PKHD1: variants seen among roughly 807,000 people sequenced by gnomAD.
The protein encoded by PKHD1 is fibrocystin.
In PKHD1, 291 loss-of-function variants were observed where a neutral mutation model predicts 412.0. That is an observed-to-expected ratio of 0.71 (90% confidence interval 0.64 to 0.78). The LOEUF (loss-of-function observed/expected upper bound fraction) is 0.78, where lower values mean the gene tolerates loss of function less well. PKHD1 is among the 30% of genes least tolerant of loss of function. The pLI, the probability that PKHD1 is intolerant of heterozygous loss-of-function variation, is 0.00. For missense variants in PKHD1, 4,825 were observed against 4,950.7 expected (o/e 0.97, Z 0.76); for synonymous variants, 1,777 against 1,821.5 (o/e 0.98, Z 0.62).
chr6:51,895,690 C>T (rs963187184), intron 43 of PKHD1, among the ~76,000 whole-genome samples: 2 of 152,112 alleles, frequency 1.3e-5, no homozygotes, highest in African/African-American at 4.8e-5. Flanking sequence ...GGAACAGCTC[C>T]GGTCTACAGC....
At chr6:52,032,511 A>C (rs761945577) in intron 29 of PKHD1, among the ~76,000 whole-genome samples, 2 of 152,224 alleles carry the variant, frequency 1.3e-5, no homozygotes, top group Non-Finnish European at 2.9e-5. Context: ...TTCTCTAATC[A>C]TATTAAATAA....
chr6:51,651,339 A>G (rs1770932065), intron 61 of PKHD1, among the ~76,000 whole-genome samples: 1 of 152,164 alleles, frequency 6.6e-6, no homozygotes, highest in Admixed American at 6.5e-5. Context: ...ATGTTATAAT[A>G]GTGCAATAAA....
intron 55 of PKHD1, among the ~76,000 whole-genome samples, chr6:51,761,947 A>T (rs9382010): frequency 0.32 from 48,518 of 151,826 alleles, 9,624 homozygotes; most frequent in East Asian, 0.7. Flanking sequence ...TCAAAAATTT[A>T]AGAGTGATCT....
chr6:51,787,826 G>T (rs1793130419), intron 53 of PKHD1, among the ~76,000 whole-genome samples: 1 of 152,130 alleles, frequency 6.6e-6, no homozygotes, highest in Non-Finnish European at 1.5e-5. Context: ...AGTAATGAGT[G>T]ACCTTAGAAA....
At chr6:51,651,418 A>G (rs1218393987) in intron 61 of PKHD1, among the ~76,000 whole-genome samples, 1 of 152,174 alleles carries the variant, frequency 6.6e-6, no homozygotes, top group African/African-American at 2.4e-5. Flanking sequence ...GGTCCTGTTA[A>G]TGATGCCATC....
intron 48 of PKHD1, among the ~76,000 whole-genome samples, chr6:51,859,760 AT>A (rs1456725185): frequency 6.6e-6 from 1 of 152,074 alleles, no homozygotes; most frequent in Non-Finnish European, 1.5e-5. Context: ...TGAAGGAAGC[AT>A]TTTTCAGATA....
chr6:51,949,663 C>A (rs1462516534), intron 36 of PKHD1, among the ~76,000 whole-genome samples: 1 of 152,092 alleles, frequency 6.6e-6, no homozygotes, highest in Non-Finnish European at 1.5e-5. Context: ...CAAACGAGAG[C>A]CCCCAAGAGC....
chr6:51,778,843 G>A (rs2182508), intron 53 of PKHD1, among the ~76,000 whole-genome samples: 89,109 of 151,902 alleles, frequency 0.59, 26,897 homozygotes, highest in East Asian at 0.83. Flanking sequence ...AAGCCAACCC[G>A]TAAGAAATTA....
At chr6:51,997,230 ACT>A (rs1238985794) in intron 35 of PKHD1, among the ~76,000 whole-genome samples, 1 of 152,200 alleles carries the variant, frequency 6.6e-6, no homozygotes, top group African/African-American at 2.4e-5. Context: ...TGAATCTGAC[ACT>A]CTGCAAGGCA....
At position 52,035,823 on chromosome 6, in the gene PKHD1, CCTTAGTCA is replaced by C. The variant is rs1163523685; in HGVS notation, c.3098-110_3098-103del. 1.7e-4 allele frequency: 201 copies of C among 1,208,828 alleles called. 1 individual carries two copies. The East Asian group carries it at 4.4e-3, about 27-fold the overall frequency. 74.9% of individuals were successfully genotyped at this position (1,208,828 alleles called of 1,614,324 possible). On this transcript the variant is annotated intron_variant, in intron 27 of 66. Transcript: ENST00000371117. ...TAAAATGAAATTAAAATATGAAACT[CCTTAGTCA>C]AAACAAAGGCAATGCTCAAACTGCA...
At chr6:52,018,543 C>T (rs993753194) in intron 33 of PKHD1, among the ~76,000 whole-genome samples, 1 of 152,032 alleles carries the variant, frequency 6.6e-6, no homozygotes, top group Non-Finnish European at 1.5e-5. Context: ...TTTTTTGAGA[C>T]AGAGTTTCGC....
chr6:51,763,066 G>A (rs576779056), intron 55 of PKHD1, among the ~76,000 whole-genome samples: 1 of 152,058 alleles, frequency 6.6e-6, no homozygotes, highest in South Asian at 2.1e-4. Context: ...TTCTCCTCAG[G>A]ACTGATACTA....
intron 43 of PKHD1, among the ~76,000 whole-genome samples, chr6:51,900,122 C>T (rs1191856320): frequency 6.6e-6 from 1 of 152,170 alleles, no homozygotes; most frequent in Non-Finnish European, 1.5e-5. Flanking sequence ...AGTGCCATCC[C>T]CATCAAGCTA....
In PKHD1 at chr6:52,028,278, C is replaced by T. The variant is rs999791859; in HGVS notation, c.3438G>A (p.Gln1146=). The T allele has an allele frequency of 1.9e-6, 3 of 1,614,176 alleles. No individual in the cohort carries two copies. Among genetic ancestry groups the T allele is most frequent in the African/African-American group, 2.7e-5 (2 of 75,048 alleles). ...YTDLDVEVHV[Q]DALAPVHTQS... ...GTGTGTGAACCGGAGCCAAGGCATCCTGGACGTGGACTTCCACATCCAAAT... is the reference window on the plus strand; with the variant it reads ...GTGTGTGAACCGGAGCCAAGGCATCTTGGACGTGGACTTCCACATCCAAAT... Residue 1146 remains glutamine, a synonymous_variant, in exon 30 of 67, where the codon CAG becomes CAA. Transcript: ENST00000371117.
intron 35 of PKHD1, among the ~76,000 whole-genome samples, chr6:51,970,366 G>A (rs773492401): frequency 6.6e-6 from 1 of 152,124 alleles, no homozygotes; most frequent in Non-Finnish European, 1.5e-5. Flanking sequence ...TGTTGTATCT[G>A]TAGTTTGCAA....
chr6:52,068,962 C>A (rs1412895048), intron 11 of PKHD1, among the ~76,000 whole-genome samples: 1 of 152,166 alleles, frequency 6.6e-6, no homozygotes, highest in Non-Finnish European at 1.5e-5. Flanking sequence ...TCTTTAGTAG[C>A]CAGCTTTCTA....
chr6:52,025,409 C>A lies in PKHD1; in HGVS notation c.4401G>T (p.Gly1467=), dbSNP rs1802006849. ...FSLNVTVLVN[G]LTSECQGNCT... Reference sequence around the variant, plus strand: ...AATTCCCCTGACACTCGCTGGTTAGCCCATTGACCAGGACTGTGACGTTCA... The same window carrying A: ...AATTCCCCTGACACTCGCTGGTTAGACCATTGACCAGGACTGTGACGTTCA... Residue 1467 remains glycine (G), a synonymous_variant, in exon 32 of 67, where the codon GGG becomes GGT. Coordinates refer to ENST00000371117, the MANE Select transcript of PKHD1 (RefSeq NM_138694.4). 1 of 1,609,746 alleles carries A rather than the reference C, an allele frequency of 6.2e-7. No homozygotes were observed. Among genetic ancestry groups the A allele is most frequent in the Non-Finnish European group, 8.5e-7 (1 of 1,177,162 alleles).
chr6:52,058,231 T>G, intron 16 of PKHD1, 92 bp downstream of exon 16: 1 of 1,225,040 alleles, frequency 8.2e-7, no homozygotes, highest in Non-Finnish European at 1.2e-6. Flanking sequence ...TAATGACCCC[T>G]CAGGTCGCCA....
chr6:52,068,710 G>A (rs374694884), intron 11 of PKHD1, among the ~76,000 whole-genome samples: 2 of 152,126 alleles, frequency 1.3e-5, no homozygotes, highest in Non-Finnish European at 2.9e-5. Context: ...CACCTTGGGC[G>A]CTTCTTCAAA....
Sources: allele counts gnomAD v4.1 joint callset (sites outside exome capture counted in the v4.1 genomes callset), GRCh38; gene constraint gnomAD v4.1.1; transcripts MANE v1.5; gene names NCBI Gene and HGNC (gene_info 2026-07-23, HGNC 2026-07-21).